SUCLG2: variants seen among roughly 807,000 people sequenced by gnomAD.
SUCLG2 encodes the protein succinate--CoA ligase [GDP-forming] subunit beta, mitochondrial.
Under a neutral mutation model 47.9 loss-of-function variants are expected in SUCLG2, and 42 were observed. The ratio of observed to expected loss-of-function variants is 0.88; its 90% CI spans 0.69 to 1.14. The LOEUF (loss-of-function observed/expected upper bound fraction) is 1.14. Ranked by LOEUF, SUCLG2 falls within the 50% of genes most tolerant of loss-of-function variation. The pLI is 0.00. For missense variants in SUCLG2, 571 were observed against 525.9 expected (o/e 1.09, Z -0.84); for synonymous variants, 195 against 197.3 (o/e 0.99, Z 0.10).
chr3:67,374,874 A>C lies in SUCLG2; in HGVS notation c.*870T>G. The stretch of plus-strand genomic sequence containing the variant: ...ATAAGGTTCCCATCTTTCTACCATA[A>C]ACTGGTAGATTCTGGGAGGATGAGG... On this transcript the variant is annotated 3_prime_UTR_variant, in exon 11 of 11. Transcript: ENST00000307227. 1 of 985,422 alleles carries C rather than the reference A, an allele frequency of 1.0e-6. No homozygotes were observed. Among genetic ancestry groups the C allele is most frequent in the Non-Finnish European group, 1.2e-6 (1 of 829,882 alleles). 61.0% of individuals were successfully genotyped at this position (985,422 alleles called of 1,614,324 possible). A position where few individuals can be genotyped will look rare whatever the true frequency, so the allele number is the denominator to read the frequency against.
intron 8 of SUCLG2, among the ~76,000 whole-genome samples, 166 bp from the exon 9 acceptor site, chr3:67,496,106 G>T (rs773760401): frequency 3.9e-5 from 6 of 152,078 alleles, no homozygotes; most frequent in Non-Finnish European, 8.8e-5. Context: ...AGACTTTTAG[G>T]ATAAAGAATC....
intron 2 of SUCLG2, among the ~76,000 whole-genome samples, chr3:67,571,963 T>C (rs1250115065): frequency 1.3e-5 from 2 of 152,174 alleles, no homozygotes; most frequent in Non-Finnish European, 2.9e-5. Context: ...ATATCACATA[T>C]GAGAGTTACC....
downstream of SUCLG2, among the ~76,000 whole-genome samples, chr3:67,371,408 CTAA>C (rs1701950981): frequency 6.6e-6 from 1 of 152,164 alleles, no homozygotes; most frequent in Non-Finnish European, 1.5e-5. Context: ...AAATTTTCTC[CTAA>C]TATGATAAAA....
At chr3:67,524,022 A>G (rs1331996745) in intron 4 of SUCLG2, among the ~76,000 whole-genome samples, 1 of 152,222 alleles carries the variant, frequency 6.6e-6, no homozygotes, top group Non-Finnish European at 1.5e-5. Context: ...CTCTTTAAGA[A>G]AATGTCACCA....
chr3:67,603,453 A>G (rs1342730947), intron 2 of SUCLG2, among the ~76,000 whole-genome samples: 1 of 152,252 alleles, frequency 6.6e-6, no homozygotes, highest in Non-Finnish European at 1.5e-5. Context: ...TACCAAAAGA[A>G]CAAGTTATCA....
intron 9 of SUCLG2, among the ~76,000 whole-genome samples, chr3:67,456,452 T>C (rs1375489697): frequency 1.3e-5 from 2 of 152,158 alleles, no homozygotes; most frequent in Admixed American, 6.5e-5. Flanking sequence ...ATTGGAAGAT[T>C]TACTGGAACA....
intron 2 of SUCLG2, among the ~76,000 whole-genome samples, chr3:67,590,277 G>A (rs1392874279): frequency 6.6e-6 from 1 of 152,178 alleles, no homozygotes; most frequent in Non-Finnish European, 1.5e-5. Context: ...GTGTATTCCA[G>A]CAAGTGAGAA....
intron 6 of SUCLG2, among the ~76,000 whole-genome samples, chr3:67,516,224 C>T (rs1486254618): frequency 1.3e-5 from 2 of 152,148 alleles, no homozygotes; most frequent in Non-Finnish European, 2.9e-5. Flanking sequence ...TTCCTTTCCT[C>T]GATAAATTAA....
At position 67,575,285 on chromosome 3, in the gene SUCLG2, G is replaced by C. The variant is rs191499454; in HGVS notation, c.226+34170C>G. Among the ~76,000 whole-genome samples the C allele has an allele frequency of 4.3e-4, 66 of 152,228 alleles. No individual in the cohort carries two copies. The East Asian group carries it at 9.1e-3, about 21-fold the overall frequency. ...GTATTATTAATAATAGCCTCAAAGTGCAAACAATCTAAATGTCCACCAACT... is the reference window on the plus strand; with the variant it reads ...GTATTATTAATAATAGCCTCAAAGTCCAAACAATCTAAATGTCCACCAACT... On this transcript the variant is annotated intron_variant, in intron 2 of 10. Transcript: ENST00000307227.
intron 1 of SUCLG2, among the ~76,000 whole-genome samples, chr3:67,631,413 A>C (rs1700923565): frequency 6.6e-6 from 1 of 152,116 alleles, no homozygotes; most frequent in Admixed American, 6.5e-5. Context: ...GGATTCCTTG[A>C]GGCCAGGAGT....
Position 67,508,798 on chromosome 3 carries a change from T to A in SUCLG2, c.757+9A>T. Reference sequence around the variant, plus strand: ...TTCATTTGTTTTCTCAATTCTTTTTTTTTTTTACCTTGTCCTTCTGGAGTT... The same window carrying A: ...TTCATTTGTTTTCTCAATTCTTTTTATTTTTTACCTTGTCCTTCTGGAGTT... On this transcript the variant is annotated intron_variant, in intron 7 of 10. Transcript: ENST00000307227. 6.4e-7 allele frequency: 1 copy of A among 1,574,534 alleles called. No individual in the cohort carries two copies. Among genetic ancestry groups the A allele is most frequent in the South Asian group, 1.2e-5 (1 of 85,012 alleles).
At chr3:67,635,658 CCA>C (rs1700997657) in intron 1 of SUCLG2, among the ~76,000 whole-genome samples, 2 of 152,160 alleles carry the variant, frequency 1.3e-5, no homozygotes, top group Non-Finnish European at 2.9e-5. Flanking sequence ...CCTCCCACCC[CCA>C]GTTTCCCGCT....
At chr3:67,614,835 A>G (rs1700595618) in intron 1 of SUCLG2, among the ~76,000 whole-genome samples, 1 of 152,094 alleles carries the variant, frequency 6.6e-6, no homozygotes. Flanking sequence ...TCATATAGTA[A>G]GCCAGAGGCC....
chr3:67,442,990 A>G (rs1703809018), intron 9 of SUCLG2, among the ~76,000 whole-genome samples: 2 of 152,180 alleles, frequency 1.3e-5, no homozygotes, highest in Admixed American at 1.3e-4. Flanking sequence ...CGGTATAAAA[A>G]TATTCAGAAA....
At chr3:67,465,390 C>A (rs1217145236) in intron 9 of SUCLG2, among the ~76,000 whole-genome samples, 2 of 152,154 alleles carry the variant, frequency 1.3e-5, no homozygotes, top group East Asian at 1.9e-4. Context: ...TTTGCTTTTC[C>A]GCTGCTCTTT....
At chr3:67,429,630 C>T (rs751157526) in intron 9 of SUCLG2, among the ~76,000 whole-genome samples, 38 of 152,278 alleles carry the variant, frequency 2.5e-4, no homozygotes, top group Non-Finnish European at 4.7e-4. Context: ...GAGCTAAATG[C>T]TCCAAATAAA....
intron 9 of SUCLG2, among the ~76,000 whole-genome samples, chr3:67,436,682 G>C (rs1459472713): frequency 6.6e-6 from 1 of 151,902 alleles, no homozygotes; most frequent in East Asian, 1.9e-4. Context: ...GCAAGTGTTA[G>C]GTAAAAATTT....
Position 67,475,988 on chromosome 3 carries a change from C to CCTCTCTCTCTCTCTCTCTCTCT in SUCLG2, c.1062+19788_1062+19809dup, listed in dbSNP as rs113119377. Among the ~76,000 whole-genome samples, 440 of 146,084 alleles carry CCTCTCTCTCTCTCTCTCTCTCT rather than the reference C, an allele frequency of 3.0e-3. 3 individuals are homozygous for CCTCTCTCTCTCTCTCTCTCTCT. The highest frequency in any genetic ancestry group is 0.01 in the African/African-American group (411 of 39,962). ...TGAGTATTCCTTCCCTTTCCTTCTCCCTCTCTCTCTCTCTCTCTCTCTCTC... is the reference window on the plus strand; with the variant it reads ...TGAGTATTCCTTCCCTTTCCTTCTCCCTCTCTCTCTCTCTCTCTCTCTCTCTCTCTCTCTCTCTCTCTCTCTC... On this transcript the variant is annotated intron_variant, in intron 9 of 10. Transcript: ENST00000307227.
rs551470811 is a variant in SUCLG2 at position 67,387,959 on chromosome 3, C to G, written c.1184-12100G>C. Among the ~76,000 whole-genome samples the G allele has an allele frequency of 9.4e-4, 143 of 151,762 alleles. 1 individual carries two copies. The highest frequency in any genetic ancestry group is 3.3e-3 in the African/African-American group (136 of 41,374). ...AAAAAAAATGTCAGCTACTAGATGG[C>G]TGGGAAAATAAAATGGAAAAAACTA... On this transcript the variant is annotated intron_variant, in intron 10 of 10. Coordinates refer to ENST00000307227, the MANE Select transcript of SUCLG2 (RefSeq NM_003848.4).
Sources: gnomAD v4.1 joint callset for allele counts (sites outside exome capture counted in the v4.1 genomes callset) on GRCh38, gnomAD v4.1.1 for gene constraint, MANE v1.5 for transcripts, NCBI Gene and HGNC (gene_info 2026-07-23, HGNC 2026-07-21) for gene names.